SPPL3: variants seen among roughly 807,000 people sequenced by gnomAD.
SPPL3 encodes the protein signal peptide peptidase like 3, also known as signal peptide peptidase-like 3.
In SPPL3, 5 loss-of-function variants were observed where a neutral mutation model predicts 42.4. The observed-to-expected ratio is 0.12, with a 90% CI of 0.06 to 0.25. The LOEUF (loss-of-function observed/expected upper bound fraction) is 0.25. SPPL3 is among the 10% of genes least tolerant of loss of function. The probability of loss-of-function intolerance (pLI) is 1.00; values close to 1 mark genes in which losing one functional copy is unlikely to be tolerated. For synonymous variants in SPPL3, 195 were observed against 181.8 expected (o/e 1.07, Z -0.58); for missense variants, 235 against 489.0 (o/e 0.48, Z 4.90).
intron 2 of SPPL3, among the ~76,000 whole-genome samples, chr12:120,801,838 T>C (rs1592969474): frequency 6.6e-6 from 1 of 152,212 alleles, no homozygotes; most frequent in Non-Finnish European, 1.5e-5. Flanking sequence ...AGCTAATTAG[T>C]GTCAGTTAGA....
chr12:120,822,784 C>T (rs899607029), intron 1 of SPPL3, among the ~76,000 whole-genome samples: 1 of 152,134 alleles, frequency 6.6e-6, no homozygotes, highest in East Asian at 1.9e-4. Flanking sequence ...AAATTCAACA[C>T]ATCTAAAAAT....
intron 1 of SPPL3, among the ~76,000 whole-genome samples, chr12:120,839,953 T>C (rs1871753681): frequency 6.6e-6 from 1 of 152,106 alleles, no homozygotes; most frequent in Non-Finnish European, 1.5e-5. Context: ...AATTGTGCTA[T>C]ATCCATGCAA....
chr12:120,774,664 C>T (rs514108), intron 6 of SPPL3, among the ~76,000 whole-genome samples: 136,538 of 151,796 alleles, frequency 0.9, 61,747 homozygotes, highest in East Asian at 1. Flanking sequence ...ACCCAGCGAA[C>T]ACTGCCACAA....
intron 1 of SPPL3, among the ~76,000 whole-genome samples, chr12:120,876,502 A>G (rs1404890719): frequency 6.6e-6 from 1 of 150,532 alleles, no homozygotes; most frequent in African/African-American, 2.4e-5. Flanking sequence ...CTGTAGTCCC[A>G]GCTACTTGGG....
intron 1 of SPPL3, among the ~76,000 whole-genome samples, chr12:120,821,613 TCTC>T (rs1376383121): frequency 6.6e-6 from 1 of 152,174 alleles, no homozygotes; most frequent in Non-Finnish European, 1.5e-5. Context: ...ACAAAATAAA[TCTC>T]CTTAAAAACT....
intron 1 of SPPL3, among the ~76,000 whole-genome samples, chr12:120,830,474 A>T (rs1309733315): frequency 1.7e-4 from 1 of 5,806 alleles, no homozygotes; most frequent in Admixed American, 1.2e-3. Context: ...AGGGGGGAAG[A>T]AGGGGGAGGG....
At chr12:120,821,473 T>C (rs1011507273) in intron 1 of SPPL3, among the ~76,000 whole-genome samples, 1 of 152,124 alleles carries the variant, frequency 6.6e-6, no homozygotes, top group South Asian at 2.1e-4. Context: ...ACAAAGCCAA[T>C]AGGTACAAGC....
intron 3 of SPPL3, among the ~76,000 whole-genome samples, chr12:120,790,301 G>A (rs535863842): frequency 1.3e-5 from 2 of 152,222 alleles, no homozygotes; most frequent in African/African-American, 4.8e-5. Flanking sequence ...CAGGGACAAT[G>A]AAACCCATGT....
intron 1 of SPPL3, among the ~76,000 whole-genome samples, chr12:120,855,584 G>A (rs1486092741): frequency 6.6e-6 from 1 of 152,102 alleles, no homozygotes; most frequent in African/African-American, 2.4e-5. Context: ...CTACTTGGGA[G>A]GCTGAGACGG....
At chr12:120,811,683 C>T (rs553489712) in intron 1 of SPPL3, among the ~76,000 whole-genome samples, 1 of 152,202 alleles carries the variant, frequency 6.6e-6, no homozygotes, top group South Asian at 2.1e-4. Context: ...TCTTAGCAGG[C>T]TTTTTGTTGT....
Position 120,765,089 on chromosome 12 carries a change from T to G in SPPL3, c.1084-19A>C. The G allele has an allele frequency of 6.2e-7, 1 of 1,612,390 alleles. No individual in the cohort carries two copies. The highest frequency in any genetic ancestry group is 8.5e-7 in the Non-Finnish European group (1 of 1,179,228). On this transcript the variant is annotated intron_variant, in intron 10 of 10. Coordinates refer to ENST00000353487, the MANE Select transcript of SPPL3 (RefSeq NM_139015.5). Reference sequence around the variant, plus strand: ...GGTCGCCCTGGGAAACAAGGGACTTTCTAAGTTACAGATTTAAACATGAGG... The same window carrying G: ...GGTCGCCCTGGGAAACAAGGGACTTGCTAAGTTACAGATTTAAACATGAGG...
intron 3 of SPPL3, among the ~76,000 whole-genome samples, chr12:120,785,348 G>A (rs1190328989): frequency 6.6e-6 from 1 of 152,110 alleles, no homozygotes; most frequent in African/African-American, 2.4e-5. Flanking sequence ...GTAGGATTTA[G>A]CGCAAGGGTT....
chr12:120,900,349 C>T (rs969070228), intron 1 of SPPL3, among the ~76,000 whole-genome samples: 2 of 151,844 alleles, frequency 1.3e-5, no homozygotes, highest in South Asian at 2.1e-4. Flanking sequence ...CTGTTGCTCA[C>T]GCCTATAATC....
At chr12:120,772,718 T>G (rs1869168804) in intron 6 of SPPL3, among the ~76,000 whole-genome samples, 1 of 152,204 alleles carries the variant, frequency 6.6e-6, no homozygotes, top group Non-Finnish European at 1.5e-5. Context: ...TTTCATGGGT[T>G]CCTACTGTGT....
intron 1 of SPPL3, among the ~76,000 whole-genome samples, chr12:120,828,001 T>C (rs1201196405): frequency 1.3e-5 from 2 of 152,214 alleles, no homozygotes; most frequent in Non-Finnish European, 2.9e-5. Context: ...TTGGCCAGGC[T>C]GGTCTCCAAC....
intron 1 of SPPL3, among the ~76,000 whole-genome samples, chr12:120,829,959 A>G (rs187723879): frequency 4.9e-4 from 73 of 150,034 alleles, no homozygotes; most frequent in African/African-American, 1.7e-3. Flanking sequence ...GCACCATTGC[A>G]CTCCAGGCTG....
chr12:120,780,914 A>T (rs1869512677), intron 6 of SPPL3, among the ~76,000 whole-genome samples: 1 of 152,130 alleles, frequency 6.6e-6, no homozygotes, highest in African/African-American at 2.4e-5. Context: ...CCCTCCCCCA[A>T]AAAAAGGTTT....
intron 1 of SPPL3, among the ~76,000 whole-genome samples, chr12:120,880,118 G>C (rs557297387): frequency 1.3e-4 from 20 of 150,926 alleles, no homozygotes; most frequent in African/African-American, 4.9e-4. Flanking sequence ...GGCTACTGGA[G>C]GACAGGATGA....
At chr12:120,853,149 A>G (rs1250977591) in intron 1 of SPPL3, among the ~76,000 whole-genome samples, 1 of 151,930 alleles carries the variant, frequency 6.6e-6, no homozygotes, top group Non-Finnish European at 1.5e-5. Context: ...CGCCCGCCTC[A>G]GCCTCCCAAA....
Sources: allele counts gnomAD v4.1 joint callset (sites outside exome capture counted in the v4.1 genomes callset), GRCh38; gene constraint gnomAD v4.1.1; transcripts MANE v1.5; gene names NCBI Gene and HGNC (gene_info 2026-07-23, HGNC 2026-07-21).